PRUNE2: variants seen among roughly 807,000 people sequenced by gnomAD.
PRUNE2 encodes the protein protein prune homolog 2.
In PRUNE2, 164 loss-of-function variants were observed where a neutral mutation model predicts 252.0. The observed-to-expected ratio is 0.65, with a 90% CI of 0.57 to 0.74. PRUNE2 has a LOEUF of 0.74. PRUNE2 is among the 30% of genes least tolerant of loss of function. The pLI, the probability that PRUNE2 is intolerant of heterozygous loss-of-function variation, is 0.00. For synonymous variants in PRUNE2, 1,292 were observed against 1,350.2 expected, an observed-to-expected ratio of 0.96 and a Z score of 0.94; for missense variants, 3,495 against 3,711.0, an observed-to-expected ratio of 0.94 and a Z score of 1.51.
chr9:76,679,774 T>C (rs2043220403), intron 9 of PRUNE2, among the ~76,000 whole-genome samples: 1 of 152,184 alleles, frequency 6.6e-6, no homozygotes, highest in South Asian at 2.1e-4. Context: ...ATGGGGAAAT[T>C]ATTCAACAAA....
intron 6 of PRUNE2, among the ~76,000 whole-genome samples, chr9:76,746,353 T>C (rs1043750160): frequency 3.3e-5 from 5 of 152,160 alleles, no homozygotes; most frequent in African/African-American, 1.2e-4. Flanking sequence ...AAGCTTGAAT[T>C]AATCATCAAT....
chr9:76,743,810 G>T (rs2049867778), intron 6 of PRUNE2, among the ~76,000 whole-genome samples: 1 of 152,126 alleles, frequency 6.6e-6, no homozygotes, highest in Admixed American at 6.5e-5. Flanking sequence ...CACAGAATTT[G>T]TTAACTTTAG....
At chr9:76,831,806 C>T (rs970651017) in intron 4 of PRUNE2, among the ~76,000 whole-genome samples, 3 of 152,006 alleles carry the variant, frequency 2.0e-5, no homozygotes, top group African/African-American at 4.8e-5. Context: ...CAAAGCACTT[C>T]GATTCAAAGA....
chr9:76,803,703 C>T (rs1349774502), intron 6 of PRUNE2, among the ~76,000 whole-genome samples: 1 of 152,160 alleles, frequency 6.6e-6, no homozygotes, highest in African/African-American at 2.4e-5. Context: ...TTCCTTCTAT[C>T]CCTCATTTAT....
intron 6 of PRUNE2, among the ~76,000 whole-genome samples, chr9:76,768,177 G>C (rs1167228070): frequency 6.6e-6 from 1 of 151,178 alleles, no homozygotes; most frequent in Non-Finnish European, 1.5e-5. Context: ...CCTTGAACTA[G>C]TACTTCCATG....
At chr9:76,689,582 CT>C (rs2044488612) in intron 9 of PRUNE2, among the ~76,000 whole-genome samples, 1 of 152,070 alleles carries the variant, frequency 6.6e-6, no homozygotes, top group Non-Finnish European at 1.5e-5. Context: ...TGGTCTCAAA[CT>C]TCTGGTCTCA....
At chr9:76,853,629 T>C (rs973043063) in intron 2 of PRUNE2, among the ~76,000 whole-genome samples, 1 of 152,206 alleles carries the variant, frequency 6.6e-6, no homozygotes, top group African/African-American at 2.4e-5. Flanking sequence ...CTACAGGATG[T>C]AGATTTGACA....
intron 9 of PRUNE2, among the ~76,000 whole-genome samples, chr9:76,689,650 C>A (rs887225474): frequency 6.6e-6 from 1 of 152,090 alleles, no homozygotes; most frequent in South Asian, 2.1e-4. Context: ...TGAGATACCG[C>A]ACCAAGATTT....
chr9:76,859,392 C>T (rs2060432783), intron 1 of PRUNE2, among the ~76,000 whole-genome samples: 1 of 152,128 alleles, frequency 6.6e-6, no homozygotes, highest in African/African-American at 2.4e-5. Flanking sequence ...TTTCAAGCCA[C>T]CCAGAAGAAT....
intron 1 of PRUNE2, among the ~76,000 whole-genome samples, chr9:76,867,245 GCTTT>G (rs914047727): frequency 2.0e-5 from 3 of 146,808 alleles, no homozygotes; most frequent in Admixed American, 1.4e-4. Context: ...GCTGTTCATG[GCTTT>G]CTTTTTTATC....
intron 6 of PRUNE2, among the ~76,000 whole-genome samples, chr9:76,816,371 T>C (rs1259365886): frequency 1.3e-5 from 2 of 152,176 alleles, no homozygotes. Context: ...AGGGATTTTT[T>C]ATTCTTTCAT....
Position 76,707,413 on chromosome 9 carries a change from A to G in PRUNE2, c.4861T>C (p.Phe1621Leu). The G allele has an allele frequency of 6.2e-7, 1 of 1,613,988 alleles. No individual in the cohort carries two copies. Among genetic ancestry groups the G allele is most frequent in the South Asian group, 1.1e-5 (1 of 91,074 alleles). The change falls in exon 8 of 19, where the codon TTT (phenylalanine) becomes CTT (leucine). Residue 1621 changes from phenylalanine to leucine, a missense_variant. By Grantham distance (22) the Phe-to-Leu change is conservative. Transcript: ENST00000376718. ...ACTGAGTCATTCCAGATCTCTAAAA[A>G]TGTAGGAGTTTTGCGATCAAAGCTC... ...EKSFDRKTPT[F>L]LEIWNDSVDG...
intron 6 of PRUNE2, among the ~76,000 whole-genome samples, chr9:76,721,175 A>G (rs1452422343): frequency 1.3e-5 from 2 of 152,220 alleles, no homozygotes; most frequent in Admixed American, 1.3e-4. Context: ...CTTAATTCCA[A>G]GTTAGACTCA....
rs2135016744 is a variant in PRUNE2, at chr9:76,711,138, G to A, written c.1136C>T (p.Ser379Phe). Reference sequence around the variant, plus strand: ...TTCCATAATCCCAGAAGACCCCTGGGAGAGGGGGGCACTGCCTGCCACGGC... The same window carrying A: ...TTCCATAATCCCAGAAGACCCCTGGAAGAGGGGGGCACTGCCTGCCACGGC... ...TEAVAGSAPL[S>F]QGSSGIMELY... Residue 379 changes from serine (S) to phenylalanine (F), a missense_variant, in exon 8 of 19, where the codon TCC (serine) becomes TTC (phenylalanine). Coordinates refer to ENST00000376718, the MANE Select transcript of PRUNE2 (RefSeq NM_015225.3). 6.2e-7 allele frequency: 1 copy of A among 1,613,992 alleles called. No individual in the cohort carries two copies. The highest frequency in any genetic ancestry group is 1.1e-5 in the South Asian group (1 of 91,082).
chr9:76,644,900 G>C lies in PRUNE2; in HGVS notation c.8567C>G (p.Ala2856Gly). 1.2e-6 allele frequency: 2 copies of C among 1,613,328 alleles called. No individual in the cohort carries two copies. Among genetic ancestry groups the C allele is most frequent in the Non-Finnish European group, 8.5e-7 (1 of 1,179,614 alleles). The part of the protein sequence containing the change: ...SFEYTGHDPT[A>G]NKDSGQESES... ...TGACTCTTGGCCAGAATCTTTGTTGGCTGTGGGATCTTCTGGAAACAAAGC... is the reference window on the plus strand; with the variant it reads ...TGACTCTTGGCCAGAATCTTTGTTGCCTGTGGGATCTTCTGGAAACAAAGC... Residue 2856 changes from alanine (A) to glycine (G), a missense_variant, in exon 12 of 19, where the codon GCC becomes GGC. Ala to Gly is a moderately conservative substitution (Grantham distance 60). Coordinates refer to ENST00000376718, the MANE Select transcript of PRUNE2 (RefSeq NM_015225.3).
chr9:76,884,165 G>A (rs1212929778), intron 1 of PRUNE2, among the ~76,000 whole-genome samples: 1 of 152,078 alleles, frequency 6.6e-6, no homozygotes, highest in Non-Finnish European at 1.5e-5. Context: ...CTTGCACAAA[G>A]CACACTTGGG....
At chr9:76,853,212 G>C (rs868217554) in intron 2 of PRUNE2, among the ~76,000 whole-genome samples, 6 of 152,242 alleles carry the variant, frequency 3.9e-5, no homozygotes, top group Middle Eastern at 3.4e-3. Flanking sequence ...TTCTGCCCTA[G>C]AGCAGTTCTT....
intron 1 of PRUNE2, 125 bp downstream of exon 1, chr9:76,905,803 C>T: frequency 8.0e-7 from 1 of 1,254,614 alleles, no homozygotes; most frequent in Admixed American, 1.7e-5. Context: ...AGGAGACAAC[C>T]CGCACACCCT....
Position 76,707,233 on chromosome 9 carries a change from T to A in PRUNE2, c.5041A>T (p.Ile1681Phe). 6.2e-7 allele frequency: 1 copy of A among 1,614,008 alleles called. No individual in the cohort carries two copies. Among genetic ancestry groups the A allele is most frequent in the Non-Finnish European group, 8.5e-7 (1 of 1,179,894 alleles). ...TCATCAGAACCTGAGCTTGTTGAAA[T>A]GACCCTGGCATCCTCTGGCTGCACA... ...ATVQPEDARV[I>F]STSSGSDDDS... The change falls in exon 8 of 19, where the codon ATT becomes TTT. Residue 1681 changes from isoleucine (I) to phenylalanine (F), a missense_variant. By Grantham distance (21) the Ile-to-Phe change is conservative. Transcript: ENST00000376718.
Sources: gnomAD v4.1 joint callset for allele counts (sites outside exome capture counted in the v4.1 genomes callset) on GRCh38, gnomAD v4.1.1 for gene constraint, MANE v1.5 for transcripts, NCBI Gene and HGNC (gene_info 2026-07-23, HGNC 2026-07-21) for gene names.